ZNF586: variants seen among roughly 807,000 people sequenced by gnomAD.
ZNF586 encodes the protein zinc finger protein 586.
A neutral mutation model predicts 6.7 loss-of-function variants in ZNF586; 7 were observed. That is an observed-to-expected ratio of 1.04 (90% CI 0.59 to 1.95). The LOEUF (loss-of-function observed/expected upper bound fraction) is 1.95, where lower values mean the gene tolerates loss of function less well. Among genes scored for constraint, ZNF586 ranks in the 30% most tolerant of loss-of-function variants. ZNF586 has a pLI of 0.00. For missense variants in ZNF586, 442 were observed against 489.6 expected (o/e 0.90, Z 0.92); for synonymous variants, 166 against 168.7 (o/e 0.98, Z 0.12).
At chr19:57,775,539 A>G (rs1294404701) in intron 1 of ZNF586, among the ~76,000 whole-genome samples, 5 of 151,926 alleles carry the variant, frequency 3.3e-5, no homozygotes, top group African/African-American at 1.2e-4. Flanking sequence ...TTTTATGGGA[A>G]TCAGGGACTA....
Position 57,779,994 on chromosome 19 carries a change from C to T in ZNF586, c.*198C>T, listed in dbSNP as rs746726692. 3.6e-6 allele frequency: 2 copies of T among 558,500 alleles called. No homozygotes were observed. The highest frequency in any genetic ancestry group is 6.3e-6 in the Non-Finnish European group (2 of 319,944). The allele number at this position is 558,500 out of a possible 1,614,324, so 34.6% of individuals were successfully genotyped here. A position where few individuals can be genotyped will look rare whatever the true frequency, so the allele number is the denominator to read the frequency against. The stretch of plus-strand genomic sequence containing the variant: ...AATGTGAGAAAGCCTTCAGCCCTCT[C>T]TCATTGGTTACCACAATATTTACAT... On this transcript the variant is annotated 3_prime_UTR_variant, in exon 3 of 3. Transcript: ENST00000396154.
At chr19:57,773,938 G>C (rs1987158058) in intron 1 of ZNF586, among the ~76,000 whole-genome samples, 2 of 152,194 alleles carry the variant, frequency 1.3e-5, no homozygotes, top group South Asian at 4.1e-4. Context: ...CATAGTTGCC[G>C]GGCATAGTGG....
intron 1 of ZNF586, 21 bp downstream of exon 1, chr19:57,769,899 G>C (rs768939618): frequency 6.5e-7 from 1 of 1,529,768 alleles, no homozygotes; most frequent in East Asian, 2.6e-5. Flanking sequence ...CGACCTCCGG[G>C]CCTTACCCAC....
intron 1 of ZNF586, among the ~76,000 whole-genome samples, chr19:57,773,399 CTTCTT>C (rs1568482633): frequency 4.2e-5 from 5 of 119,080 alleles, no homozygotes; most frequent in South Asian, 2.5e-4. Flanking sequence ...GTTTCTTCTT[CTTCTT>C]TTTTTTTTTT....
At chr19:57,769,901 C>CTT in intron 1 of ZNF586, 23 bp downstream of exon 1, 7 of 1,497,606 alleles carry the variant, frequency 4.7e-6, no homozygotes, top group Non-Finnish European at 6.3e-6. Flanking sequence ...ACCTCCGGGC[C>CTT]TTACCCACCC....
intron 1 of ZNF586, chr19:57,774,765 G>C: frequency 4.1e-6 from 4 of 984,944 alleles, no homozygotes; most frequent in Non-Finnish European, 4.8e-6. Flanking sequence ...AATTTACCAA[G>C]ACTACTGTGG....
At chr19:57,776,912 C>T (rs1207257319) in intron 2 of ZNF586, among the ~76,000 whole-genome samples, 1 of 152,134 alleles carries the variant, frequency 6.6e-6, no homozygotes, top group African/African-American at 2.4e-5. Context: ...CACCCTAATG[C>T]CTCCCACCTT....
chr19:57,773,402 C>CTTTTTTTTTT (rs35585717), intron 1 of ZNF586, among the ~76,000 whole-genome samples: 2 of 92,798 alleles, frequency 2.2e-5, no homozygotes, highest in African/African-American at 3.5e-5. Context: ...TCTTCTTCTT[C>CTTTTTTTTTT]TTTTTTTTTT....
chr19:57,779,154 A>G lies in ZNF586; in HGVS notation c.567A>G (p.Glu189=). 6.2e-7 allele frequency: 1 copy of G among 1,613,960 alleles called. No individual in the cohort carries two copies. Among genetic ancestry groups the G allele is most frequent in the Non-Finnish European group, 8.5e-7 (1 of 1,179,974 alleles). The change falls in exon 3 of 3, where the codon GAA becomes GAG. Residue 189 remains glutamate (E), a synonymous_variant. Transcript: ENST00000396154. ...TTGAATGTGGGAAAGCCTTTGCTGA[A>G]AAGTCCAGTCTCATTAACCACAGGA... is the stretch of plus-strand genomic sequence containing the variant. ...ECIECGKAFA[E]KSSLINHRKV...
intron 1 of ZNF586, among the ~76,000 whole-genome samples, chr19:57,774,005 C>CGGG (rs917849842): frequency 4.9e-4 from 74 of 151,880 alleles, no homozygotes; most frequent in African/African-American, 1.7e-3. Context: ...CACGTGAGGC[C>CGGG]GGGGGTTCGA....
chr19:57,773,351 G>C (rs1464470269), intron 1 of ZNF586, among the ~76,000 whole-genome samples: 1 of 151,444 alleles, frequency 6.6e-6, no homozygotes, highest in East Asian at 1.9e-4. Context: ...AGAAACACAG[G>C]TAAGGGAGGT....
In ZNF586 at chr19:57,779,170, A is replaced by C. The variant is rs565720798; in HGVS notation, c.583A>C (p.Asn195His). ...KAFAEKSSLI[N>H]HRKVHSGAKR... ...CTTTGCTGAAAAGTCCAGTCTCATT[A>C]ACCACAGGAAAGTTCACTCTGGAGC... Residue 195 changes from asparagine to histidine, a missense_variant, in exon 3 of 3, where the codon AAC becomes CAC. Physicochemically the swap from Asn to His is moderately conservative, Grantham distance 68. Coordinates refer to ENST00000396154, the MANE Select transcript of ZNF586 (RefSeq NM_017652.4). The C allele has an allele frequency of 3.1e-6, 5 of 1,613,534 alleles. No individual in the cohort carries two copies.
At chr19:57,770,669 G>A (rs560320620) in intron 1 of ZNF586, among the ~76,000 whole-genome samples, 1 of 152,290 alleles carries the variant, frequency 6.6e-6, no homozygotes, top group East Asian at 1.9e-4. Context: ...TCTGGCTGCA[G>A]GGCCAAAAAA....
chr19:57,775,137 C>G (rs1219446112), intron 1 of ZNF586, among the ~76,000 whole-genome samples: 1 of 152,024 alleles, frequency 6.6e-6, no homozygotes, highest in Non-Finnish European at 1.5e-5. Context: ...CCTGGGACTA[C>G]AGGCACCCGC....
rs183150571 is a variant in ZNF586 at position 57,772,271 on chromosome 19, C to A, written c.36+2393C>A. Among the ~76,000 whole-genome samples, 453 of 152,298 alleles carry A rather than the reference C, an allele frequency of 3.0e-3. 1 individual carries two copies. Among genetic ancestry groups the A allele is most frequent in the Non-Finnish European group, 5.0e-3 (339 of 68,026 alleles). On this transcript the variant is annotated intron_variant, in intron 1 of 2. Coordinates refer to ENST00000396154, the MANE Select transcript of ZNF586 (RefSeq NM_017652.4). ...CAGGTGTAATATTCACTGAGGCTAT[C>A]AGGAGGTTTGTTTTGGCCATTCTGC...
At chr19:57,776,353 T>C (rs955510583) in intron 1 of ZNF586, among the ~76,000 whole-genome samples, 190 bp from the exon 2 acceptor site, 3 of 152,182 alleles carry the variant, frequency 2.0e-5, no homozygotes, top group East Asian at 3.9e-4. Context: ...ATCTGCCTCT[T>C]GTTGCTGACG....
At chr19:57,776,695 C>T (rs747276323) in intron 2 of ZNF586, 26 bp downstream of exon 2, 13 of 1,577,732 alleles carry the variant, frequency 8.2e-6, no homozygotes, top group Non-Finnish European at 1.1e-5. Flanking sequence ...TCACCTGTGA[C>T]CTGAGTTAGT....
At chr19:57,772,499 G>T (rs969587349) in intron 1 of ZNF586, among the ~76,000 whole-genome samples, 1 of 147,406 alleles carries the variant, frequency 6.8e-6, no homozygotes, top group East Asian at 2.0e-4. Flanking sequence ...GCCCCAGGAT[G>T]TTTTTTTTTT....
Position 57,779,961 on chromosome 19 carries a change from G to A in ZNF586, c.*165G>A, listed in dbSNP as rs1987346680. 3 of 627,122 alleles carry A rather than the reference G, an allele frequency of 4.8e-6. No homozygotes were observed. The highest frequency in any genetic ancestry group is 8.1e-6 in the Non-Finnish European group (3 of 371,682). 38.8% of individuals were successfully genotyped at this position (627,122 alleles called of 1,614,324 possible). A position where few individuals can be genotyped will look rare whatever the true frequency, so the allele number is the denominator to read the frequency against. On this transcript the variant is annotated 3_prime_UTR_variant, in exon 3 of 3. Transcript: ENST00000396154. The stretch of plus-strand genomic sequence containing the variant: ...CTCCCACTGAAGAAGTGCCTTTTGA[G>A]TGCAATGAATGTGAGAAAGCCTTCA...
Sources: gnomAD v4.1 joint callset for allele counts (sites outside exome capture counted in the v4.1 genomes callset) on GRCh38, gnomAD v4.1.1 for gene constraint, MANE v1.5 for transcripts, NCBI Gene and HGNC (gene_info 2026-07-23, HGNC 2026-07-21) for gene names.